NCKAP5: variants seen among roughly 807,000 people sequenced by gnomAD.
NCKAP5 encodes the protein nck-associated protein 5.
NCKAP5 carries 92 observed loss-of-function variants against 167.0 expected under a neutral mutation model. The ratio of observed to expected loss-of-function variants is 0.55; its 90% CI spans 0.47 to 0.66. NCKAP5 has a LOEUF of 0.66. NCKAP5 is among the 30% of genes least tolerant of loss of function. NCKAP5 has a pLI of 0.00. For missense variants in NCKAP5, 2,378 were observed against 2,315.0 expected (o/e 1.03, Z -0.56); for synonymous variants, 891 against 877.4 (o/e 1.02, Z -0.27).
chr2:132,708,114 G>A (rs1463094206), intron 19 of NCKAP5, among the ~76,000 whole-genome samples: 2 of 151,918 alleles, frequency 1.3e-5, no homozygotes, highest in African/African-American at 4.8e-5. Context: ...CTAGCTTCAG[G>A]TGTGACCCAG....
chr2:133,068,785 A>C (rs7588373), intron 6 of NCKAP5, among the ~76,000 whole-genome samples: 33,257 of 152,134 alleles, frequency 0.22, 4,014 homozygotes, highest in Non-Finnish European at 0.27. Context: ...AGATGTTTGG[A>C]ACTAACTTCT....
At position 132,947,792 on chromosome 2, in the gene NCKAP5, C is replaced by T. The variant is rs1004330598; in HGVS notation, c.579+15928G>A. 9.9e-5 allele frequency among the ~76,000 whole-genome samples: 15 copies of T among 152,142 alleles called. 1 individual carries two copies. Among genetic ancestry groups the T allele is most frequent in the South Asian group, 4.1e-4 (2 of 4,830 alleles). The stretch of plus-strand genomic sequence containing the variant: ...ATGAAGAATTCACAAGATTTCACTT[C>T]GGGAGATTTCACGATAGAGCATTCC... On this transcript the variant is annotated intron_variant, in intron 8 of 19. Transcript: ENST00000409261.
intron 5 of NCKAP5, among the ~76,000 whole-genome samples, chr2:133,165,410 CAT>C (rs948063172): frequency 8.5e-5 from 13 of 152,224 alleles, no homozygotes; most frequent in African/African-American, 2.4e-4. Flanking sequence ...TTTTAAAAGT[CAT>C]ATTCAGTATT....
intron 10 of NCKAP5, among the ~76,000 whole-genome samples, chr2:132,866,114 A>G (rs1339008953): frequency 6.6e-6 from 1 of 152,256 alleles, no homozygotes; most frequent in Non-Finnish European, 1.5e-5. Context: ...TGAAGAAAAC[A>G]CATCATCGAA....
At chr2:133,614,651 A>G in the NCKAP5 span, among the ~76,000 whole-genome samples, 3 of 152,250 alleles carry the variant, frequency 2.0e-5, no homozygotes, top group East Asian at 3.8e-4. Flanking sequence ...GGACTATGTG[A>G]AAAGACCAAA....
At chr2:133,371,623 G>T (rs546462166) in intron 3 of NCKAP5, among the ~76,000 whole-genome samples, 1 of 152,320 alleles carries the variant, frequency 6.6e-6, no homozygotes, top group South Asian at 2.1e-4. Context: ...GGAAGAGTGA[G>T]TTCTTTCATA....
At position 132,731,956 on chromosome 2, in the gene NCKAP5, G is replaced by T; in HGVS notation, c.5224C>A (p.Pro1742Thr). The change falls in exon 17 of 20, where the codon CCA becomes ACA. Residue 1742 changes from proline to threonine, a missense_variant. Physicochemically the swap from Pro to Thr is conservative, Grantham distance 38. Coordinates refer to ENST00000409261, the MANE Select transcript of NCKAP5 (RefSeq NM_207363.3). The stretch of plus-strand genomic sequence containing the variant: ...GGCTCAGCGTCCTCTGGGGAGTCTG[G>T]CTGGCATAGGTAGCGTCCTGTCGAG... The part of the protein sequence containing the change: ...NRSTGRYLCQ[P>T]DSPEDAEPLL... 1.2e-6 allele frequency: 2 copies of T among 1,613,922 alleles called. No individual in the cohort carries two copies. Among genetic ancestry groups the T allele is most frequent in the Non-Finnish European group, 1.7e-6 (2 of 1,179,880 alleles).
intron 7 of NCKAP5, among the ~76,000 whole-genome samples, chr2:132,968,183 C>G (rs1281353388): frequency 6.6e-6 from 1 of 152,102 alleles, no homozygotes; most frequent in Non-Finnish European, 1.5e-5. Context: ...TCTAAGTGCA[C>G]TAAAGAGGAA....
chr2:133,504,958 C>T (rs1682870902), intron 3 of NCKAP5, among the ~76,000 whole-genome samples: 1 of 152,078 alleles, frequency 6.6e-6, no homozygotes, highest in Non-Finnish European at 1.5e-5. Context: ...GAGCTTAAAG[C>T]AATTGAAGGC....
chr2:133,642,108 C>T, the NCKAP5 span, among the ~76,000 whole-genome samples: 2 of 152,094 alleles, frequency 1.3e-5, no homozygotes, highest in East Asian at 3.9e-4. Flanking sequence ...AAAGAGATCA[C>T]GTGGCAAGAG....
intron 3 of NCKAP5, among the ~76,000 whole-genome samples, chr2:133,436,852 G>A (rs1690517176): frequency 1.3e-5 from 2 of 152,124 alleles, no homozygotes; most frequent in Non-Finnish European, 2.9e-5. Flanking sequence ...CGTTTTCTCA[G>A]AGCATGTATG....
chr2:132,977,761 A>G (rs1213502384), intron 7 of NCKAP5, among the ~76,000 whole-genome samples: 2 of 152,240 alleles, frequency 1.3e-5, no homozygotes, highest in African/African-American at 4.8e-5. Flanking sequence ...CACTTCTTCT[A>G]GTACCTGCTG....
At chr2:133,174,728 C>T (rs1276978356) in intron 5 of NCKAP5, among the ~76,000 whole-genome samples, 7 of 149,886 alleles carry the variant, frequency 4.7e-5, no homozygotes, top group Admixed American at 4.6e-4. Context: ...CCCCCCTGCT[C>T]CAGCTTTGGA....
At chr2:132,902,369 C>T (rs1693691135) in intron 8 of NCKAP5, among the ~76,000 whole-genome samples, 1 of 152,180 alleles carries the variant, frequency 6.6e-6, no homozygotes, top group South Asian at 2.1e-4. Context: ...GTAGGTATCA[C>T]TGATAAAGGT....
chr2:132,848,475 A>G (rs1223646903), intron 11 of NCKAP5, among the ~76,000 whole-genome samples: 1 of 152,218 alleles, frequency 6.6e-6, no homozygotes, highest in East Asian at 1.9e-4. Flanking sequence ...TGTAACAATG[A>G]AATATGAGCA....
intron 6 of NCKAP5, among the ~76,000 whole-genome samples, chr2:133,089,083 G>A (rs1573994432): frequency 6.6e-6 from 1 of 152,266 alleles, no homozygotes; most frequent in East Asian, 1.9e-4. Flanking sequence ...TCCTATAAAT[G>A]ACCCAAGACA....
intron 3 of NCKAP5, among the ~76,000 whole-genome samples, chr2:133,422,900 A>C (rs1219712651): frequency 6.6e-6 from 1 of 152,108 alleles, no homozygotes. Context: ...CTGCAGTTTC[A>C]TGCACCAGAG....
chr2:132,903,753 G>A (rs1693800271), intron 8 of NCKAP5, among the ~76,000 whole-genome samples: 3 of 152,102 alleles, frequency 2.0e-5, no homozygotes, highest in Non-Finnish European at 4.4e-5. Flanking sequence ...CTACTTGGGA[G>A]GAAGTTCTTA....
intron 3 of NCKAP5, among the ~76,000 whole-genome samples, chr2:133,484,732 G>C (rs1408702289): frequency 6.6e-6 from 1 of 152,104 alleles, no homozygotes; most frequent in Non-Finnish European, 1.5e-5. Flanking sequence ...GTGTGTATAA[G>C]GTGTATGTGA....
Sources: allele counts gnomAD v4.1 joint callset (sites outside exome capture counted in the v4.1 genomes callset), GRCh38; gene constraint gnomAD v4.1.1; transcripts MANE v1.5; gene names NCBI Gene and HGNC (gene_info 2026-07-23, HGNC 2026-07-21).